The following SLC22A6 variants were observed in gnomAD, a reference collection of about 807,000 sequenced individuals.
SLC22A6 encodes PAH transporter.
SLC22A6 carries 45 observed loss-of-function variants against 56.7 expected under a neutral mutation model. That is an observed-to-expected ratio of 0.79 (90% CI 0.63 to 1.02). The LOEUF is 1.02. Ranked by LOEUF, SLC22A6 falls within the 50% of genes least tolerant of loss-of-function variation. The pLI is 0.00. For synonymous variants in SLC22A6, 291 were observed against 295.9 expected (o/e 0.98, Z 0.17); for missense variants, 606 against 713.8 (o/e 0.85, Z 1.72).
chr11:62,984,583 G>C lies in SLC22A6; in HGVS notation c.108C>G (p.Thr36=), dbSNP rs1465713511. 6.2e-7 allele frequency: 1 copy of C among 1,613,466 alleles called. No homozygotes were observed. Among genetic ancestry groups the C allele is most frequent in the Non-Finnish European group, 8.5e-7 (1 of 1,179,844 alleles). ...LPLLLMASHN[T]LQNFTAAIPT... Reference sequence around the variant, plus strand: ...GGATGGCAGCAGTGAAGTTCTGCAGGGTGTTGTGAGAAGCCATCAGGAGCA... The same window carrying C: ...GGATGGCAGCAGTGAAGTTCTGCAGCGTGTTGTGAGAAGCCATCAGGAGCA... The change falls in exon 1 of 10, where the codon ACC becomes ACG. Residue 36 remains threonine (T), a synonymous_variant. Coordinates refer to ENST00000360421, the MANE Select transcript of SLC22A6 (RefSeq NM_153276.3).
rs566917982 is a variant in SLC22A6 at position 62,979,415 on chromosome 11, G to T, written c.1361+73C>A. On this transcript the variant is annotated intron_variant, in intron 8 of 9. Coordinates refer to ENST00000360421, the MANE Select transcript of SLC22A6 (RefSeq NM_153276.3). The stretch of plus-strand genomic sequence containing the variant: ...TGGGATGTACTTGATTTAGCTCTGG[G>T]GTCTGACCTGTGCACAGAAGAATGT... The T allele has an allele frequency of 6.4e-5, 67 of 1,053,700 alleles. 1 individual carries two copies. The highest frequency in any genetic ancestry group is 9.8e-5 in the Non-Finnish European group (66 of 674,982). 65.3% of individuals were successfully genotyped at this position (1,053,700 alleles called of 1,614,324 possible).
Position 62,983,395 on chromosome 11 carries a change from G to T in SLC22A6, c.628+142C>A. ...CAGGGCGGCATGAGCCTGAGAAAAG[G>T]TTGTTCTATTGGCAGGAAGGTGAGA... On this transcript the variant is annotated intron_variant, in intron 3 of 9. Coordinates refer to ENST00000360421, the MANE Select transcript of SLC22A6 (RefSeq NM_153276.3). This position sits in a 1 kb window ranked among gnomAD's most constrained non-coding sequence, Gnocchi z 4.5. 1.2e-6 allele frequency: 1 copy of T among 844,188 alleles called. No individual in the cohort carries two copies. The highest frequency in any genetic ancestry group is 1.8e-6 in the Non-Finnish European group (1 of 541,160). The allele number at this position is 844,188 out of a possible 1,614,324, so 52.3% of individuals were successfully genotyped here.
At position 62,976,597 on chromosome 11, in the gene SLC22A6, T is replaced by A; in HGVS notation, c.*197A>T. ...TTGAGACAAGAGAGACACAGAGAGA[T>A]GGTGCGCAGTCAAACCTTTTAATGA... is the stretch of plus-strand genomic sequence containing the variant. On this transcript the variant is annotated 3_prime_UTR_variant, in exon 10 of 10. Coordinates refer to ENST00000360421, the MANE Select transcript of SLC22A6 (RefSeq NM_153276.3). The A allele has an allele frequency of 2.0e-6, 1 of 503,228 alleles. No individual in the cohort carries two copies. Among genetic ancestry groups the A allele is most frequent in the East Asian group, 3.2e-5 (1 of 31,150 alleles). The allele number at this position is 503,228 out of a possible 1,614,324, so 31.2% of individuals were successfully genotyped here.
chr11:62,979,389 C>T (rs184039145), intron 8 of SLC22A6, 99 bp downstream of exon 8: 11 of 837,682 alleles, frequency 1.3e-5, no homozygotes, highest in Non-Finnish European at 2.0e-5. Flanking sequence ...GGCCTTTGGG[C>T]TGGGATGTAC....
chr11:62,977,061 T>C, intron 9 of SLC22A6, 123 bp downstream of exon 9: 1 of 1,578,202 alleles, frequency 6.3e-7, no homozygotes, highest in Non-Finnish European at 8.6e-7. Context: ...CTCAGGCAAT[T>C]GGGGACAAAG....
chr11:62,984,249 C>CTTT lies in SLC22A6; in HGVS notation c.369+70_369+72dup, dbSNP rs4149175. 7,452 of 1,380,114 alleles carry CTTT rather than the reference C, an allele frequency of 5.4e-3. 8 individuals are homozygous for CTTT. The highest frequency in any genetic ancestry group is 6.1e-3 in the Non-Finnish European group (6,260 of 1,022,828). The allele number at this position is 1,380,114 out of a possible 1,614,324, so 85.5% of individuals were successfully genotyped here. Reference sequence around the variant, plus strand: ...ACTCAGCAGTTAATTTCTCCATGTACTTTTTTTTTTTTTTTAACAAAGGCC... The same window carrying CTTT: ...ACTCAGCAGTTAATTTCTCCATGTACTTTTTTTTTTTTTTTTTTAACAAAGGCC... On this transcript the variant is annotated intron_variant, in intron 1 of 9. Transcript: ENST00000360421.
chr11:62,976,670 G>T lies in SLC22A6; in HGVS notation c.*124C>A. Reference sequence around the variant, plus strand: ...AAGGGAGGTGGACCCCTGGGAAGATGCTTTCCTGAACCACAACCCCCACAC... The same window carrying T: ...AAGGGAGGTGGACCCCTGGGAAGATTCTTTCCTGAACCACAACCCCCACAC... On this transcript the variant is annotated 3_prime_UTR_variant, in exon 10 of 10. Coordinates refer to ENST00000360421, the MANE Select transcript of SLC22A6 (RefSeq NM_153276.3). The T allele has an allele frequency of 1.4e-6, 1 of 739,746 alleles. No homozygotes were observed. Among genetic ancestry groups the T allele is most frequent in the Non-Finnish European group, 2.2e-6 (1 of 450,766 alleles). The allele number at this position is 739,746 out of a possible 1,614,324, so 45.8% of individuals were successfully genotyped here. A position where few individuals can be genotyped will look rare whatever the true frequency, so the allele number is the denominator to read the frequency against.
Position 62,981,358 on chromosome 11 carries a change from GC to G in SLC22A6, c.822del (p.Trp274CysfsTer12). On this transcript the variant is annotated frameshift_variant, in exon 5 of 10. Transcript: ENST00000360421. LOFTEE classifies it high-confidence loss of function. ...YSWFFIESAR[W>X]HSSSGRLDLT... The stretch of plus-strand genomic sequence containing the variant: ...AGGTCCAGCCTCCCGGAGGAGGAGT[GC>G]CAGCGGGCCGACTCAATGAAGAACC... The G allele has an allele frequency of 6.5e-7, 1 of 1,541,546 alleles. No individual in the cohort carries two copies. The highest frequency in any genetic ancestry group is 1.1e-5 in the South Asian group (1 of 87,074).
intron 1 of SLC22A6, 77 bp downstream of exon 1, chr11:62,984,245 T>C (rs2086290247): frequency 6.8e-7 from 1 of 1,462,600 alleles, no homozygotes; most frequent in Non-Finnish European, 9.2e-7. Flanking sequence ...AATTTCTCCA[T>C]GTACTTTTTT....
At position 62,979,944 on chromosome 11, in the gene SLC22A6, C is replaced by A. The variant is rs764960348; in HGVS notation, c.1042G>T (p.Ala348Ser). ...AGCCCATAGTATGCAAAGCTAGTGG[C>A]AAACCTAGCAGAGAGAAGAGAGGAG... is the stretch of plus-strand genomic sequence containing the variant. ...LFLCLSMLWF[A>S]TSFAYYGLVM... Residue 348 changes from alanine (A) to serine (S), a missense_variant, in exon 7 of 10, where the codon GCC becomes TCC. Physicochemically the swap from Ala to Ser is moderately conservative, Grantham distance 99. Coordinates refer to ENST00000360421, the MANE Select transcript of SLC22A6 (RefSeq NM_153276.3). The A allele has an allele frequency of 1.2e-6, 2 of 1,612,180 alleles. No homozygotes were observed. Among genetic ancestry groups the A allele is most frequent in the Non-Finnish European group, 1.7e-6 (2 of 1,178,384 alleles).
At chr11:62,980,602 T>C (rs570317890) in intron 6 of SLC22A6, among the ~76,000 whole-genome samples, 1 of 152,370 alleles carries the variant, frequency 6.6e-6, no homozygotes, top group South Asian at 2.1e-4. Context: ...TGAGTTTTAG[T>C]CATCTTGTTG....
Position 62,983,451 on chromosome 11 carries a change from C to T in SLC22A6, c.628+86G>A. 4 of 1,407,920 alleles carry T rather than the reference C, an allele frequency of 2.8e-6. No homozygotes were observed. Among genetic ancestry groups the T allele is most frequent in the Non-Finnish European group, 3.9e-6 (4 of 1,028,980 alleles). 87.2% of individuals were successfully genotyped at this position (1,407,920 alleles called of 1,614,324 possible). A position where few individuals can be genotyped will look rare whatever the true frequency, so the allele number is the denominator to read the frequency against. Reference sequence around the variant, plus strand: ...GAGAGGCTGGAGGGCAGGCAGGGCTCAGGAGGGGCAGGCTGGGAGGGGAGG... The same window carrying T: ...GAGAGGCTGGAGGGCAGGCAGGGCTTAGGAGGGGCAGGCTGGGAGGGGAGG... On this transcript the variant is annotated intron_variant, in intron 3 of 9. Coordinates refer to ENST00000360421, the MANE Select transcript of SLC22A6 (RefSeq NM_153276.3). This position sits in a 1 kb window ranked among gnomAD's most constrained non-coding sequence, Gnocchi z 4.5.
chr11:62,984,416 T>C lies in SLC22A6; in HGVS notation c.275A>G (p.Asn92Ser), dbSNP rs748904249. ...TSPQWGLPFL[N>S]GTEANGTGAT... ...CCCTGTGCCATTGGCTTCTGTGCCATTGAGAAAGGGCAGTCCCCACTGCGG... is the reference window on the plus strand; with the variant it reads ...CCCTGTGCCATTGGCTTCTGTGCCACTGAGAAAGGGCAGTCCCCACTGCGG... The change falls in exon 1 of 10, where the codon AAT (asparagine) becomes AGT (serine). Residue 92 changes from asparagine to serine, a missense_variant. Physicochemically the swap from Asn to Ser is conservative, Grantham distance 46 (BLOSUM62 1). Coordinates refer to ENST00000360421, the MANE Select transcript of SLC22A6 (RefSeq NM_153276.3). 5 of 1,613,864 alleles carry C rather than the reference T, an allele frequency of 3.1e-6. No individual in the cohort carries two copies. The highest frequency in any genetic ancestry group is 3.4e-6 in the Non-Finnish European group (4 of 1,179,946).
intron 3 of SLC22A6, among the ~76,000 whole-genome samples, chr11:62,982,857 T>G (rs942938522): frequency 6.6e-6 from 1 of 152,202 alleles, no homozygotes; most frequent in Non-Finnish European, 1.5e-5. Context: ...TGGGTTATTT[T>G]ACATTAATCA....
In SLC22A6 at chr11:62,984,725, G is replaced by C. The variant is rs1418399437; in HGVS notation, c.-35C>G. The C allele has an allele frequency of 1.9e-6, 3 of 1,588,290 alleles. No individual in the cohort carries two copies. Among genetic ancestry groups the C allele is most frequent in the African/African-American group, 1.3e-5 (1 of 74,484 alleles). On this transcript the variant is annotated 5_prime_UTR_variant, in exon 1 of 10. Coordinates refer to ENST00000360421, the MANE Select transcript of SLC22A6 (RefSeq NM_153276.3). ...CCCAGCCCAGTGGCTGGGGGCTGAG[G>C]CCTTCCAGTCCCAGGACCTCTGTCT...
intron 9 of SLC22A6, 87 bp downstream of exon 9, chr11:62,977,097 G>A (rs1377183169): frequency 6.2e-7 from 1 of 1,606,684 alleles, no homozygotes; most frequent in South Asian, 1.1e-5. Context: ...GGCTAGAAGA[G>A]GAAGCCTGGG....
In SLC22A6 at chr11:62,977,253, G is replaced by A. The variant is rs1337029494; in HGVS notation, c.1496C>T (p.Ala499Val). Reference sequence around the variant, plus strand: ...GGTCTCTGGCAGGAGGACAGTGACAGCGCTGGCGGCCACAGGAACAGCACC... The same window carrying A: ...GGTCTCTGGCAGGAGGACAGTGACAACGCTGGCGGCCACAGGAACAGCACC... ...IYGAVPVAASAVTVLLPETLG... is the reference protein window; with the variant it reads ...IYGAVPVAASVVTVLLPETLG... The change falls in exon 9 of 10, where the codon GCT becomes GTT. Residue 499 changes from alanine to valine, a missense_variant. Physicochemically the swap from Ala to Val is moderately conservative, Grantham distance 64. Coordinates refer to ENST00000360421, the MANE Select transcript of SLC22A6 (RefSeq NM_153276.3). 1 of 1,614,018 alleles carries A rather than the reference G, an allele frequency of 6.2e-7. No homozygotes were observed. Among genetic ancestry groups the A allele is most frequent in the Non-Finnish European group, 8.5e-7 (1 of 1,180,046 alleles).
At position 62,984,857 on chromosome 11, in the gene SLC22A6, CTCCTT is replaced by C; in HGVS notation, c.-172_-168del. ...AGCTGCTCTGTGGGGGGACAGCAGC[CTCCTT>C]GGCTGCTCCTCCTTCTTCCCCGGTC... On this transcript the variant is annotated 5_prime_UTR_variant, in exon 1 of 10. Transcript: ENST00000360421. 1.5e-6 allele frequency: 1 copy of C among 654,140 alleles called. No homozygotes were observed. The highest frequency in any genetic ancestry group is 2.6e-6 in the Non-Finnish European group (1 of 387,268). The allele number at this position is 654,140 out of a possible 1,614,324, so 40.5% of individuals were successfully genotyped here.
In SLC22A6 at chr11:62,976,867, G is replaced by A. The variant is rs185576486; in HGVS notation, c.1580C>T (p.Thr527Met). The change falls in exon 10 of 10, where the codon ACG becomes ATG. Residue 527 changes from threonine (T) to methionine (M), a missense_variant. By Grantham distance (81) the Thr-to-Met change is moderately conservative. Transcript: ENST00000360421. ...CTTCTGGTGCTCTTGTTGCTGTCGC[G>A]TCTGTTTCCCTTTCCTGCAGGGCGG... ...QDLESRKGKQ[T>M]RQQQEHQKYM... 132 of 1,614,026 alleles carry A rather than the reference G, an allele frequency of 8.2e-5. No homozygotes were observed. The African/African-American group carries it at 1.1e-3, about 13-fold the overall frequency.
Sources: gnomAD v4.1 joint callset for allele counts (sites outside exome capture counted in the v4.1 genomes callset) on GRCh38, gnomAD v4.1.1 for gene constraint, Gnocchi (gnomAD v3.1) non-coding constraint, MANE v1.5 for transcripts, NCBI Gene and HGNC (gene_info 2026-07-23, HGNC 2026-07-21) for gene names.